Variants in MARCHF4 observed in about 807,000 individuals in gnomAD.
The protein encoded by MARCHF4 is membrane associated ring-CH-type finger 4.
Under a neutral mutation model 43.9 loss-of-function variants are expected in MARCHF4, and 14 were observed. The ratio of observed to expected loss-of-function variants is 0.32; its 90% CI spans 0.21 to 0.50. MARCHF4 has a LOEUF of 0.50. Among genes scored for constraint, MARCHF4 ranks in the 20% least tolerant of loss-of-function variants. MARCHF4 has a pLI of 0.98. For missense variants in MARCHF4, 468 were observed against 536.7 expected (o/e 0.87, Z 1.27); for synonymous variants, 226 against 213.3 (o/e 1.06, Z -0.52).
chr2:216,317,241 A>T (rs1415728911), intron 1 of MARCHF4, among the ~76,000 whole-genome samples: 1 of 152,138 alleles, frequency 6.6e-6, no homozygotes, highest in Admixed American at 6.5e-5. Flanking sequence ...TTCTTATCTC[A>T]TAGAAGTTTC....
chr2:216,264,913 A>G (rs1052174652), intron 3 of MARCHF4, among the ~76,000 whole-genome samples: 1 of 152,174 alleles, frequency 6.6e-6, no homozygotes, highest in Non-Finnish European at 1.5e-5. Flanking sequence ...AAAAGCACAA[A>G]CTACCTCATT....
intron 1 of MARCHF4, among the ~76,000 whole-genome samples, chr2:216,322,473 G>C (rs984279429): frequency 6.6e-6 from 1 of 152,208 alleles, no homozygotes; most frequent in Non-Finnish European, 1.5e-5. Flanking sequence ...GCATGTATGT[G>C]TGCATACACA....
chr2:216,284,042 G>C (rs987458967), intron 1 of MARCHF4, among the ~76,000 whole-genome samples: 2 of 152,180 alleles, frequency 1.3e-5, no homozygotes, highest in Admixed American at 6.5e-5. Flanking sequence ...TGTTCACAGT[G>C]GGGTGTCAGG....
intron 1 of MARCHF4, among the ~76,000 whole-genome samples, chr2:216,354,914 T>TCTTCCTTTCTTTCTTTCTTTCTTC (rs1491398699): frequency 9.9e-6 from 1 of 100,784 alleles, no homozygotes; most frequent in Admixed American, 1.1e-4. Flanking sequence ...TTTCTTTCTT[T>TCTTCCTTTCTTTCTTTCTTTCTTC]CTTTCTTTCT....
intron 1 of MARCHF4, among the ~76,000 whole-genome samples, chr2:216,367,027 C>T (rs1692676723): frequency 6.6e-6 from 1 of 152,168 alleles, no homozygotes; most frequent in Non-Finnish European, 1.5e-5. Context: ...CTGTTCCTCA[C>T]CACAAATATT....
At chr2:216,347,587 G>T (rs1356689215) in intron 1 of MARCHF4, among the ~76,000 whole-genome samples, 1 of 152,044 alleles carries the variant, frequency 6.6e-6, no homozygotes, top group Non-Finnish European at 1.5e-5. Context: ...AATTAGCCGG[G>T]CGTGGTGGTG....
chr2:216,313,562 T>G (rs1691723730), intron 1 of MARCHF4, among the ~76,000 whole-genome samples: 1 of 152,240 alleles, frequency 6.6e-6, no homozygotes. Context: ...GCAAATGGCA[T>G]GTAACATGAG....
At chr2:216,290,882 AG>A (rs1160004448) in intron 1 of MARCHF4, among the ~76,000 whole-genome samples, 1 of 152,114 alleles carries the variant, frequency 6.6e-6, no homozygotes, top group East Asian at 1.9e-4. Context: ...GCAGGTTTGG[AG>A]GAAAGATTGG....
chr2:216,289,064 T>C (rs959998716), intron 1 of MARCHF4, among the ~76,000 whole-genome samples: 21 of 147,790 alleles, frequency 1.4e-4, no homozygotes, highest in Non-Finnish European at 2.2e-4. Flanking sequence ...TATATATATA[T>C]ATATTTATTT....
chr2:216,356,626 C>A (rs1692506951), intron 1 of MARCHF4, among the ~76,000 whole-genome samples: 1 of 152,208 alleles, frequency 6.6e-6, no homozygotes. Flanking sequence ...TTTTGCTATA[C>A]TGGTAATTCA....
At chr2:216,260,925 G>A (rs1016250563) in intron 3 of MARCHF4, among the ~76,000 whole-genome samples, 5 of 152,220 alleles carry the variant, frequency 3.3e-5, no homozygotes, top group African/African-American at 7.2e-5. Flanking sequence ...AACTGCTGGA[G>A]TCAGGCTGTG....
chr2:216,267,571 G>T (rs1395421645), intron 3 of MARCHF4, among the ~76,000 whole-genome samples: 1 of 152,132 alleles, frequency 6.6e-6, no homozygotes, highest in Admixed American at 6.5e-5. Context: ...ACACATAGGG[G>T]CTTATTTTTT....
At chr2:216,266,813 T>C (rs2105932830) in intron 3 of MARCHF4, among the ~76,000 whole-genome samples, 1 of 152,266 alleles carries the variant, frequency 6.6e-6, no homozygotes, top group South Asian at 2.1e-4. Context: ...GGGGTACTGC[T>C]GGGAAAGGCC....
At chr2:216,297,814 T>TAAA (rs1691421298) in intron 1 of MARCHF4, among the ~76,000 whole-genome samples, 1 of 152,166 alleles carries the variant, frequency 6.6e-6, no homozygotes, top group South Asian at 2.1e-4. Context: ...GGTCTTCTTT[T>TAAA]AGGAGCCATT....
At chr2:216,272,710 T>C (rs1404148131) in intron 3 of MARCHF4, among the ~76,000 whole-genome samples, 1 of 152,264 alleles carries the variant, frequency 6.6e-6, no homozygotes, top group Non-Finnish European at 1.5e-5. Context: ...CTTGCAGGGA[T>C]GTCACAGTTT....
chr2:216,289,041 A>G lies in MARCHF4; in HGVS notation c.517-5312T>C, dbSNP rs558033266. Reference sequence around the variant, plus strand: ...TATATGAAAATATATAAAAATTTATATATATATAAACATATATATATATAT... The same window carrying G: ...TATATGAAAATATATAAAAATTTATGTATATATAAACATATATATATATAT... On this transcript the variant is annotated intron_variant, in intron 1 of 3. Transcript: ENST00000273067. Among the ~76,000 whole-genome samples, 91 of 46,824 alleles carry G rather than the reference A, an allele frequency of 1.9e-3. 1 individual carries two copies. In the South Asian group the frequency reaches 0.076, roughly 39 times the overall value. The allele number at this position is 46,824 out of a possible 152,430, so 30.7% of individuals were successfully genotyped here. A position where few individuals can be genotyped will look rare whatever the true frequency, so the allele number is the denominator to read the frequency against.
In MARCHF4 at chr2:216,266,835, A is replaced by C. The variant is rs190878384; in HGVS notation, c.866-7156T>G. On this transcript the variant is annotated intron_variant, in intron 3 of 3. Transcript: ENST00000273067. ...TGCTGGGAAAGGCCAGGTTGACAAC[A>C]TCACTGCCTGCCCAGTATTCTCCAG... Among the ~76,000 whole-genome samples the C allele has an allele frequency of 5.9e-5, 9 of 152,340 alleles. No homozygotes were observed. The East Asian group carries it at 1.7e-3, about 29-fold the overall frequency.
intron 3 of MARCHF4, among the ~76,000 whole-genome samples, chr2:216,263,298 G>A (rs1015438886): frequency 1.2e-4 from 18 of 152,068 alleles, no homozygotes; most frequent in Non-Finnish European, 2.1e-4. Flanking sequence ...ATGGTGACAC[G>A]CGCCTGTAAT....
intron 1 of MARCHF4, among the ~76,000 whole-genome samples, chr2:216,339,875 G>A (rs961404160): frequency 1.3e-5 from 2 of 151,978 alleles, no homozygotes; most frequent in East Asian, 1.9e-4. Context: ...ATGGAGCCTC[G>A]GGGGACTTAA....
Sources: allele counts gnomAD v4.1 joint callset (sites outside exome capture counted in the v4.1 genomes callset), GRCh38; gene constraint gnomAD v4.1.1; transcripts MANE v1.5; gene names NCBI Gene and HGNC (gene_info 2026-07-23, HGNC 2026-07-21).